Variants in USH2A observed in about 807,000 individuals in gnomAD.
USH2A encodes usherin, also known as Usher syndrome 2A (autosomal recessive, mild).
In USH2A, 443 loss-of-function variants were observed where a neutral mutation model predicts 538.9. That is an observed-to-expected ratio of 0.82 (90% CI 0.76 to 0.89). The LOEUF (loss-of-function observed/expected upper bound fraction) is 0.89, where lower values mean the gene tolerates loss of function less well. Among genes scored for constraint, USH2A ranks in the 40% least tolerant of loss-of-function variants. USH2A has a pLI of 0.00. For synonymous variants in USH2A, 2,413 were observed against 2,273.5 expected (o/e 1.06, Z -1.75); for missense variants, 6,633 against 6,324.8 (o/e 1.05, Z -1.65).
intron 4 of USH2A, among the ~76,000 whole-genome samples, chr1:216,349,743 G>GA (rs1455846072): frequency 5.9e-5 from 9 of 152,202 alleles, no homozygotes; most frequent in East Asian, 1.9e-4. Flanking sequence ...ATATAATCAA[G>GA]AAAAAACCAT....
At chr1:215,968,343 T>C (rs1473221443) in intron 36 of USH2A, among the ~76,000 whole-genome samples, 1 of 152,104 alleles carries the variant, frequency 6.6e-6, no homozygotes, top group African/African-American at 2.4e-5. Context: ...TTTTTGTTGC[T>C]GTTGTTGCTG....
chr1:216,221,178 C>T (rs1032579642), intron 14 of USH2A, among the ~76,000 whole-genome samples: 4 of 152,124 alleles, frequency 2.6e-5, no homozygotes, highest in Non-Finnish European at 4.4e-5. Flanking sequence ...GTTTGTAGCT[C>T]TAGTAACAAG....
intron 21 of USH2A, among the ~76,000 whole-genome samples, chr1:216,163,326 T>C (rs181962931): frequency 1.3e-5 from 2 of 152,138 alleles, no homozygotes; most frequent in South Asian, 4.1e-4. Context: ...TCATTGATTT[T>C]ATTGATAATA....
chr1:215,774,586 T>C (rs1000903923), intron 55 of USH2A, among the ~76,000 whole-genome samples: 2 of 152,122 alleles, frequency 1.3e-5, no homozygotes, highest in African/African-American at 4.8e-5. Flanking sequence ...AGTGTTATGC[T>C]AGACTGAGGA....
At chr1:215,738,845 A>G (rs1164651069) in intron 60 of USH2A, among the ~76,000 whole-genome samples, 2 of 152,160 alleles carry the variant, frequency 1.3e-5, no homozygotes, top group Non-Finnish European at 2.9e-5. Context: ...ACATGCCATA[A>G]CCTCCTCAGA....
chr1:216,362,888 G>A (rs1415874472), intron 4 of USH2A, among the ~76,000 whole-genome samples: 1 of 150,870 alleles, frequency 6.6e-6, no homozygotes, highest in African/African-American at 2.4e-5. Context: ...GCAGAGAGCC[G>A]AGATTGCACC....
rs186348692 is a variant in USH2A at position 215,677,141 on chromosome 1, T to C, written c.12295-1525A>G. Among the ~76,000 whole-genome samples, 3 of 152,310 alleles carry C rather than the reference T, an allele frequency of 2.0e-5. No individual in the cohort carries two copies. The East Asian group carries it at 5.8e-4, about 29-fold the overall frequency. On this transcript the variant is annotated intron_variant, in intron 62 of 71. Coordinates refer to ENST00000307340, the MANE Select transcript of USH2A (RefSeq NM_206933.4). ...TAGAGAAGAATGCCTCCATGTTATA[T>C]ATTCTGACCTCTGTATCCATGTGAA...
chr1:215,651,997 A>T (rs532677091), intron 64 of USH2A, among the ~76,000 whole-genome samples: 1 of 152,356 alleles, frequency 6.6e-6, no homozygotes, highest in East Asian at 1.9e-4. Flanking sequence ...TAAAAGAGAC[A>T]ACTAACCTAC....
chr1:216,209,212 A>C (rs777873847), intron 15 of USH2A, among the ~76,000 whole-genome samples: 4 of 152,232 alleles, frequency 2.6e-5, no homozygotes, highest in Non-Finnish European at 4.4e-5. Flanking sequence ...TATGAAGAGC[A>C]TCACCTGACA....
intron 27 of USH2A, among the ~76,000 whole-genome samples, chr1:216,076,996 A>G (rs2031775370): frequency 6.6e-6 from 1 of 152,166 alleles, no homozygotes; most frequent in Non-Finnish European, 1.5e-5. Context: ...TTGACTTTAT[A>G]ACAGGCTGCC....
At chr1:216,319,848 A>T (rs1332377704) in intron 9 of USH2A, among the ~76,000 whole-genome samples, 1 of 152,194 alleles carries the variant, frequency 6.6e-6, no homozygotes, top group Non-Finnish European at 1.5e-5. Flanking sequence ...ACCTTTACAG[A>T]TGGTTTTTTA....
chr1:216,381,491 A>G (rs2038922344), intron 3 of USH2A, among the ~76,000 whole-genome samples: 1 of 152,168 alleles, frequency 6.6e-6, no homozygotes, highest in Non-Finnish European at 1.5e-5. Context: ...AGTTTTTTAC[A>G]AAGACAAAGT....
At chr1:215,968,419 A>T (rs984109478) in intron 36 of USH2A, among the ~76,000 whole-genome samples, 7 of 152,128 alleles carry the variant, frequency 4.6e-5, no homozygotes, top group African/African-American at 1.7e-4. Context: ...TGAACCATAA[A>T]TAATAGCTAA....
At chr1:215,693,121 T>TATAC (rs1307125060) in intron 61 of USH2A, among the ~76,000 whole-genome samples, 7 of 145,868 alleles carry the variant, frequency 4.8e-5, no homozygotes, top group Non-Finnish European at 7.5e-5. Flanking sequence ...TATGTGTATA[T>TATAC]ATATATATAT....
intron 44 of USH2A, among the ~76,000 whole-genome samples, chr1:215,860,640 T>G (rs1664290849): frequency 6.6e-6 from 1 of 152,222 alleles, no homozygotes; most frequent in Non-Finnish European, 1.5e-5. Flanking sequence ...TGTGCTCCAG[T>G]GGCAAATTTG....
At chr1:216,174,463 GT>G in intron 21 of USH2A, 1 of 985,380 alleles carries the variant, frequency 1.0e-6, no homozygotes, top group Non-Finnish European at 1.2e-6. Context: ...CAGGAGGAGG[GT>G]AAGGCCAGTG....
chr1:216,031,985 G>A (rs933396564), intron 32 of USH2A, among the ~76,000 whole-genome samples: 1 of 152,008 alleles, frequency 6.6e-6, no homozygotes, highest in East Asian at 1.9e-4. Context: ...CTTCTCTTTT[G>A]TTGTCACACA....
intron 14 of USH2A, among the ~76,000 whole-genome samples, chr1:216,219,600 C>T (rs1041711306): frequency 6.6e-6 from 1 of 151,972 alleles, no homozygotes; most frequent in African/African-American, 2.4e-5. Context: ...ACATTTTAAG[C>T]TTAGAAAGAG....
chr1:215,667,559 G>A (rs111651413), intron 64 of USH2A, among the ~76,000 whole-genome samples: 318 of 152,066 alleles, frequency 2.1e-3, no homozygotes, highest in African/African-American at 7.4e-3. Context: ...AATTCGCCAC[G>A]CATGGTGGCG....
Sources: gnomAD v4.1 joint callset for allele counts (sites outside exome capture counted in the v4.1 genomes callset) on GRCh38, gnomAD v4.1.1 for gene constraint, MANE v1.5 for transcripts, NCBI Gene and HGNC (gene_info 2026-07-23, HGNC 2026-07-21) for gene names.